ACOXL: variants seen among roughly 807,000 people sequenced by gnomAD.
ACOXL encodes acyl-CoA oxidase like.
A neutral mutation model predicts 71.9 loss-of-function variants in ACOXL; 70 were observed. That is an observed-to-expected ratio of 0.97 (90% CI 0.80 to 1.19). The LOEUF (loss-of-function observed/expected upper bound fraction) is 1.19. ACOXL is among the 50% of genes most tolerant of loss of function. The pLI, the probability that ACOXL is intolerant of heterozygous loss-of-function variation, is 0.00. For missense variants in ACOXL, 703 were observed against 736.3 expected (o/e 0.95, Z 0.52); for synonymous variants, 253 against 281.6 (o/e 0.90, Z 1.02).
intron 11 of ACOXL, among the ~76,000 whole-genome samples, chr2:110,929,768 C>A (rs1212194798): frequency 6.6e-6 from 1 of 152,190 alleles, no homozygotes; most frequent in African/African-American, 2.4e-5. Flanking sequence ...GTAGCGATGG[C>A]TAAAAGGGGC....
intron 14 of ACOXL, among the ~76,000 whole-genome samples, chr2:111,011,167 G>A (rs1397337935): frequency 6.6e-6 from 1 of 152,154 alleles, no homozygotes; most frequent in African/African-American, 2.4e-5. Context: ...ATAGGTTGTA[G>A]TGTAAATGGA....
At chr2:110,841,169 C>T (rs920863969) in intron 9 of ACOXL, among the ~76,000 whole-genome samples, 6 of 152,196 alleles carry the variant, frequency 3.9e-5, no homozygotes, top group Admixed American at 3.9e-4. Context: ...CTCTGTAAGA[C>T]TCTTTCAAAA....
chr2:110,975,068 C>T (rs1264055032), intron 12 of ACOXL, among the ~76,000 whole-genome samples: 1 of 152,126 alleles, frequency 6.6e-6, no homozygotes, highest in African/African-American at 2.4e-5. Context: ...AGCGGTGGGG[C>T]ATCAGCCCAG....
In ACOXL at chr2:111,082,611, G is replaced by A. The variant is rs147695766; in HGVS notation, c.1441-10254G>A. On this transcript the variant is annotated intron_variant, in intron 16 of 17. Coordinates refer to ENST00000439055, the MANE Select transcript of ACOXL (RefSeq NM_001142807.4). ...TAGTTCAACCATTGTGGAAGACACCGTGGTGATTTCTGGTTCTAGATTCCA... is the reference window on the plus strand; with the variant it reads ...TAGTTCAACCATTGTGGAAGACACCATGGTGATTTCTGGTTCTAGATTCCA... 4.8e-3 allele frequency among the ~76,000 whole-genome samples: 726 copies of A among 152,262 alleles called. 6 individuals carry two copies. Among genetic ancestry groups the A allele is most frequent in the African/African-American group, 0.017 (692 of 41,550 alleles).
At chr2:110,932,696 T>C (rs970193599) in intron 11 of ACOXL, among the ~76,000 whole-genome samples, 1 of 152,210 alleles carries the variant, frequency 6.6e-6, no homozygotes, top group African/African-American at 2.4e-5. Flanking sequence ...CCTGATCCTA[T>C]GTGTGTAGAC....
At chr2:111,066,697 G>C (rs2067089686) in intron 16 of ACOXL, among the ~76,000 whole-genome samples, 1 of 152,048 alleles carries the variant, frequency 6.6e-6, no homozygotes, top group African/African-American at 2.4e-5. Flanking sequence ...AACAAAGAAT[G>C]ATCAAGTAAA....
chr2:110,845,678 A>T (rs970300029), intron 10 of ACOXL, among the ~76,000 whole-genome samples: 1 of 152,222 alleles, frequency 6.6e-6, no homozygotes, highest in Non-Finnish European at 1.5e-5. Context: ...TTAGTGGAAT[A>T]ATACAGCATT....
At chr2:110,805,935 C>A (rs183904507) in intron 9 of ACOXL, among the ~76,000 whole-genome samples, 2 of 152,336 alleles carry the variant, frequency 1.3e-5, no homozygotes, top group Admixed American at 1.3e-4. Context: ...GAAGGGCCTC[C>A]TTCTCCCCAG....
chr2:110,793,618 C>G, intron 3 of ACOXL, 32 bp from the exon 4 acceptor site: 4 of 1,581,784 alleles, frequency 2.5e-6, no homozygotes, highest in Non-Finnish European at 2.6e-6. Context: ...CTGACTGTTG[C>G]TAATGATGGT....
chr2:110,882,295 C>T (rs1399367230), intron 10 of ACOXL, among the ~76,000 whole-genome samples: 3 of 151,968 alleles, frequency 2.0e-5, no homozygotes, highest in Non-Finnish European at 4.4e-5. Flanking sequence ...TCAAATCTTT[C>T]ACCATTTAAA....
chr2:110,799,930 A>T lies in ACOXL; in HGVS notation c.547+830A>T, dbSNP rs559961375. Among the ~76,000 whole-genome samples the T allele has an allele frequency of 1.3e-4, 20 of 152,164 alleles. No individual in the cohort carries two copies. In the East Asian group the frequency reaches 3.3e-3, roughly 25 times the overall value. ...AAATGCACCAATCAGCGCCCTCTAAAATGCACTAACCAGCGCCCTCTAAAA... is the reference window on the plus strand; with the variant it reads ...AAATGCACCAATCAGCGCCCTCTAATATGCACTAACCAGCGCCCTCTAAAA... On this transcript the variant is annotated intron_variant, in intron 7 of 17. Coordinates refer to ENST00000439055, the MANE Select transcript of ACOXL (RefSeq NM_001142807.4).
At chr2:110,809,238 C>T (rs72832837) in intron 9 of ACOXL, among the ~76,000 whole-genome samples, 3,725 of 152,362 alleles carry the variant, frequency 0.024, 71 homozygotes, top group East Asian at 0.055. Flanking sequence ...CATGTGTACA[C>T]ACTCGTGCAT....
intron 12 of ACOXL, among the ~76,000 whole-genome samples, chr2:110,973,611 T>G (rs2062312455): frequency 6.6e-6 from 1 of 152,092 alleles, no homozygotes; most frequent in East Asian, 1.9e-4. Context: ...GCCACTCAGT[T>G]TATGGTATTT....
chr2:111,113,197 T>C (rs2070114493), intron 17 of ACOXL: 1 of 151,830 alleles, frequency 6.6e-6, no homozygotes, highest in Non-Finnish European at 1.5e-5. Context: ...GACAAGGCTT[T>C]AGAAAAAAAA....
chr2:110,854,104 C>G (rs1692952630), intron 10 of ACOXL, among the ~76,000 whole-genome samples: 1 of 151,988 alleles, frequency 6.6e-6, no homozygotes, highest in Admixed American at 6.6e-5. Context: ...CATGTGTGTG[C>G]ATGTCTGTGT....
At chr2:110,778,727 G>A (rs561218902) in intron 2 of ACOXL, among the ~76,000 whole-genome samples, 24 of 152,328 alleles carry the variant, frequency 1.6e-4, no homozygotes, top group Admixed American at 4.6e-4. Context: ...GGGCACATAG[G>A]AAGTGCTGAA....
At position 110,753,073 on chromosome 2, in the gene ACOXL, G is replaced by A. The variant is rs534100796; in HGVS notation, c.-22-15295G>A. Among the ~76,000 whole-genome samples the A allele has an allele frequency of 9.6e-4, 146 of 152,260 alleles. 1 individual carries two copies. The highest frequency in any genetic ancestry group is 3.3e-3 in the African/African-American group (139 of 41,556). ...AATTCTTCATGAATGGCTTGGTGCT[G>A]ACCTCCTGCTGGTGGTGAGTTCTCA... On this transcript the variant is annotated intron_variant, in intron 1 of 17. Transcript: ENST00000439055.
At chr2:110,740,279 TA>T (rs1677357127) in intron 1 of ACOXL, among the ~76,000 whole-genome samples, 1 of 152,236 alleles carries the variant, frequency 6.6e-6, no homozygotes, top group African/African-American at 2.4e-5. Context: ...CCCAAGACTA[TA>T]TCAGGCAATT....
At chr2:110,751,029 T>C (rs1678872575) in intron 1 of ACOXL, among the ~76,000 whole-genome samples, 3 of 151,268 alleles carry the variant, frequency 2.0e-5, no homozygotes, top group African/African-American at 7.3e-5. Context: ...CTGGGCGCGG[T>C]GGCTCACGCC....
Sources: gnomAD v4.1 joint callset for allele counts (sites outside exome capture counted in the v4.1 genomes callset) on GRCh38, gnomAD v4.1.1 for gene constraint, MANE v1.5 for transcripts, NCBI Gene and HGNC (gene_info 2026-07-23, HGNC 2026-07-21) for gene names.